The following INO80 variants were observed in gnomAD, a reference collection of about 807,000 sequenced individuals.
INO80 encodes INO80 complex ATPase subunit.
In INO80, 20 loss-of-function variants were observed where a neutral mutation model predicts 203.4. The observed-to-expected ratio is 0.10, with a 90% CI of 0.07 to 0.14. The LOEUF (loss-of-function observed/expected upper bound fraction) is 0.14. Ranked by LOEUF, INO80 falls within the 10% of genes least tolerant of loss-of-function variation. The pLI, the probability that INO80 is intolerant of heterozygous loss-of-function variation, is 1.00. For synonymous variants in INO80, 726 were observed against 685.2 expected (o/e 1.06, Z -0.93); for missense variants, 1,419 against 1,914.4 (o/e 0.74, Z 4.83).
chr15:40,982,291 C>T (rs576873608), intron 35 of INO80, among the ~76,000 whole-genome samples: 53 of 152,308 alleles, frequency 3.5e-4, no homozygotes, highest in African/African-American at 1.1e-3. Flanking sequence ...GGACTACAGG[C>T]GTGAGCCACC....
intron 20 of INO80, 132 bp from the exon 21 acceptor site, chr15:41,049,552 T>C: frequency 2.4e-6 from 2 of 836,052 alleles, no homozygotes; most frequent in Non-Finnish European, 3.8e-6. Flanking sequence ...TAATAGCCTT[T>C]GCTTATCTGG....
chr15:41,091,018 G>C (rs1047817670), intron 5 of INO80, among the ~76,000 whole-genome samples: 1 of 149,254 alleles, frequency 6.7e-6, no homozygotes, highest in Non-Finnish European at 1.5e-5. Flanking sequence ...TCCACCTCCC[G>C]GGTTCAAGCG....
At position 40,982,214 on chromosome 15, in the gene INO80, T is replaced by G. The variant is rs1893857327; in HGVS notation, c.4453+648A>C. Among the ~76,000 whole-genome samples the G allele has an allele frequency of 4.6e-5, 7 of 152,320 alleles. No homozygotes were observed. The South Asian group carries it at 1.4e-3, about 32-fold the overall frequency. On this transcript the variant is annotated intron_variant, in intron 35 of 35. Transcript: ENST00000648947. ...CATGCTGGAGTGCAGTGACCTGATCTCAGTGCACTGAAACCTCCACCTCCA... is the reference window on the plus strand; with the variant it reads ...CATGCTGGAGTGCAGTGACCTGATCGCAGTGCACTGAAACCTCCACCTCCA...
intron 33 of INO80, 96 bp downstream of exon 33, chr15:40,984,101 C>T: frequency 7.0e-7 from 1 of 1,421,890 alleles, no homozygotes; most frequent in Non-Finnish European, 9.6e-7. Flanking sequence ...GGCTGGAGAA[C>T]TCCAGGAGAA....
chr15:40,991,275 T>C (rs537011836), intron 29 of INO80, among the ~76,000 whole-genome samples: 1 of 152,218 alleles, frequency 6.6e-6, no homozygotes, highest in African/African-American at 2.4e-5. Flanking sequence ...CAGAAAAAAA[T>C]AGGATTGTTT....
Position 41,044,898 on chromosome 15 carries a change from G to C in INO80, c.2907+6C>G. The C allele has an allele frequency of 5.0e-6, 8 of 1,592,550 alleles. No homozygotes were observed. The highest frequency in any genetic ancestry group is 2.2e-5 in the East Asian group (1 of 44,718). ...GTAGGTAATTTATGCTCAAATAATT[G>C]CTTACCTTTAACAAAGGGCAGCTGC... is the stretch of plus-strand genomic sequence containing the variant. On this transcript the variant is annotated splice_donor_region_variant and intron_variant, in intron 24 of 35. Transcript: ENST00000648947.
At chr15:41,057,797 CAAAA>C (rs35197370) in intron 16 of INO80, among the ~76,000 whole-genome samples, 3 of 29,338 alleles carry the variant, frequency 1.0e-4, no homozygotes, top group South Asian at 1.4e-3. Flanking sequence ...AACTACATCT[CAAAA>C]AAAAAAAAAA....
chr15:41,062,258 T>G (rs2045125267), intron 14 of INO80, among the ~76,000 whole-genome samples: 1 of 152,130 alleles, frequency 6.6e-6, no homozygotes, highest in African/African-American at 2.4e-5. Flanking sequence ...TTTATATTAT[T>G]ATTATTTTTT....
At chr15:40,985,549 G>C (rs2043718783) in intron 31 of INO80, 123 bp from the exon 32 acceptor site, 4 of 750,362 alleles carry the variant, frequency 5.3e-6, no homozygotes, top group African/African-American at 5.2e-5. Flanking sequence ...ATCTGTTTAA[G>C]GCAGATAACC....
Position 41,058,730 on chromosome 15 carries a change from G to T in INO80, c.1894C>A (p.Gln632Lys). ...TACTTTACATCCTGCACCACCAGCT[G>T]ATAGCTGGTAATAACCACATGGAAG... The part of the protein sequence containing the change: ...APFHVVITSY[Q>K]LVVQDVKYFQ... Residue 632 changes from glutamine to lysine, a missense_variant, in exon 16 of 36, where the codon CAG (glutamine) becomes AAG (lysine). Gln to Lys is a moderately conservative substitution (Grantham distance 53, BLOSUM62 1). Coordinates refer to ENST00000648947, the MANE Select transcript of INO80 (RefSeq NM_017553.3). 6.2e-7 allele frequency: 1 copy of T among 1,612,840 alleles called. No homozygotes were observed. The highest frequency in any genetic ancestry group is 8.5e-7 in the Non-Finnish European group (1 of 1,178,920).
chr15:41,047,506 A>T lies in INO80; in HGVS notation c.2642-5T>A, dbSNP rs1470529277. On this transcript the variant is annotated splice_region_variant and splice_polypyrimidine_tract_variant and intron_variant, in intron 22 of 35. Transcript: ENST00000648947. Reference sequence around the variant, plus strand: ...AACAGCTTTCTTCATTAATACCTGAAATATAAAAGACAATTTGAAACCCAA... The same window carrying T: ...AACAGCTTTCTTCATTAATACCTGATATATAAAAGACAATTTGAAACCCAA... 1 of 1,582,114 alleles carries T rather than the reference A, an allele frequency of 6.3e-7. No individual in the cohort carries two copies. Among genetic ancestry groups the T allele is most frequent in the Non-Finnish European group, 8.7e-7 (1 of 1,154,628 alleles).
intron 14 of INO80, among the ~76,000 whole-genome samples, chr15:41,064,241 G>A (rs75322822): frequency 0.015 from 2,260 of 152,228 alleles, 31 homozygotes; most frequent in Non-Finnish European, 0.023. Flanking sequence ...AATATGCTGA[G>A]ACATAAAAAT....
At chr15:40,985,116 C>T (rs555834483) in intron 32 of INO80, among the ~76,000 whole-genome samples, 18 of 152,304 alleles carry the variant, frequency 1.2e-4, no homozygotes, top group Non-Finnish European at 2.2e-4. Context: ...CATAATTAAA[C>T]TGTGACCACC....
intron 19 of INO80, 23 bp downstream of exon 19, chr15:41,053,906 C>CTTAA (rs1298555249): frequency 6.3e-7 from 1 of 1,586,498 alleles, no homozygotes; most frequent in African/African-American, 1.3e-5. Flanking sequence ...GAGGCTTAAA[C>CTTAA]ACATGAGGTC....
intron 6 of INO80, 31 bp from the exon 7 acceptor site, chr15:41,085,614 C>T (rs2045551749): frequency 2.6e-6 from 4 of 1,567,206 alleles, no homozygotes; most frequent in Admixed American, 1.7e-5. Flanking sequence ...ACAGGTTGCA[C>T]TTCCACAGGA....
At chr15:40,992,319 C>T (rs1424986925) in intron 29 of INO80, among the ~76,000 whole-genome samples, 1 of 152,222 alleles carries the variant, frequency 6.6e-6, no homozygotes, top group Non-Finnish European at 1.5e-5. Context: ...CAACCCCTTA[C>T]TAAACAGAGT....
chr15:41,112,397 CAA>C (rs893195321), intron 1 of INO80, among the ~76,000 whole-genome samples: 1 of 152,138 alleles, frequency 6.6e-6, no homozygotes, highest in African/African-American at 2.4e-5. Context: ...CACTGACTCA[CAA>C]GAGTTGTCTG....
intron 27 of INO80, among the ~76,000 whole-genome samples, chr15:41,012,305 G>A (rs1311201902): frequency 2.6e-5 from 4 of 152,112 alleles, no homozygotes; most frequent in African/African-American, 9.7e-5. Context: ...GGTGGCTCAC[G>A]CCTGTAATCC....
chr15:41,069,130 T>C (rs1028737043), intron 14 of INO80, among the ~76,000 whole-genome samples: 6 of 152,178 alleles, frequency 3.9e-5, no homozygotes, highest in African/African-American at 1.4e-4. Flanking sequence ...GAACAATGTA[T>C]ATTTTTGTTT....
Sources: allele counts gnomAD v4.1 joint callset (sites outside exome capture counted in the v4.1 genomes callset), GRCh38; gene constraint gnomAD v4.1.1; transcripts MANE v1.5; gene names NCBI Gene and HGNC (gene_info 2026-07-23, HGNC 2026-07-21).